The following LPA variants were observed in gnomAD, a reference collection of about 807,000 sequenced individuals.
LPA encodes the protein lipoprotein(a), also known as apolipoprotein(a).
A neutral mutation model predicts 197.9 loss-of-function variants in LPA; 199 were observed. The ratio of observed to expected loss-of-function variants is 1.01; its 90% CI spans 0.90 to 1.13. LPA has a LOEUF of 1.13. Ranked by LOEUF, LPA falls within the 50% of genes most tolerant of loss-of-function variation. The pLI is 0.00. For synonymous variants in LPA, 715 were observed against 639.5 expected, an observed-to-expected ratio of 1.12 and a Z score of -1.78; for missense variants, 1,853 against 1,785.8, an observed-to-expected ratio of 1.04 and a Z score of -0.68.
intron 33 of LPA, 139 bp from the exon 34 acceptor site, chr6:160,542,947 G>T: frequency 2.5e-6 from 3 of 1,213,728 alleles, no homozygotes; most frequent in Admixed American, 1.9e-5. Context: ...ACACTCTTTA[G>T]ATTTTTCTTT....
intron 32 of LPA, 64 bp from the exon 33 acceptor site, chr6:160,545,597 AG>A: frequency 1.1e-6 from 1 of 913,608 alleles, no homozygotes; most frequent in Non-Finnish European, 1.9e-6. Flanking sequence ...AGATATTCTA[AG>A]GCACACACAT....
At chr6:160,565,307 G>T (rs985154411) in intron 28 of LPA, among the ~76,000 whole-genome samples, 2 of 152,086 alleles carry the variant, frequency 1.3e-5, no homozygotes, top group African/African-American at 4.8e-5. Context: ...ACAGCTGGGT[G>T]CCCCTCTGAG....
chr6:160,573,260 G>T (rs987280142), intron 28 of LPA, among the ~76,000 whole-genome samples: 1 of 151,920 alleles, frequency 6.6e-6, no homozygotes, highest in Non-Finnish European at 1.5e-5. Context: ...ATTTCCAAAG[G>T]TGTGTCCAAA....
rs564073175 is a variant in LPA at position 160,534,665 on chromosome 6, G to A, written c.5843-2016C>T. On this transcript the variant is annotated intron_variant, in intron 37 of 38. Transcript: ENST00000316300. ...GATCTGATGTCATTATTAACATGTAGAAAGTTGATAAGCAGGCCTGAGTTA... is the reference window on the plus strand; with the variant it reads ...GATCTGATGTCATTATTAACATGTAAAAAGTTGATAAGCAGGCCTGAGTTA... 1.5e-3 allele frequency among the ~76,000 whole-genome samples: 227 copies of A among 152,330 alleles called. 2 individuals are homozygous for A. The highest frequency in any genetic ancestry group is 3.7e-3 in the South Asian group (18 of 4,828).
chr6:160,545,047 C>A, intron 33 of LPA, among the ~76,000 whole-genome samples: 1 of 151,998 alleles, frequency 6.6e-6, no homozygotes, highest in South Asian at 2.1e-4. Context: ...TCCTGCTGCT[C>A]GTATTTTTTT....
chr6:160,599,335 T>C (rs2115053115), intron 20 of LPA, among the ~76,000 whole-genome samples, 165 bp downstream of exon 20: 1 of 152,052 alleles, frequency 6.6e-6, no homozygotes, highest in East Asian at 1.9e-4. Context: ...AAAGCAAGAC[T>C]CTGTCTCAAA....
chr6:160,554,877 G>T (rs547677411), intron 30 of LPA, among the ~76,000 whole-genome samples: 1 of 152,040 alleles, frequency 6.6e-6, no homozygotes, highest in Admixed American at 6.6e-5. Context: ...GACTGCTGTG[G>T]TTGGCTTTGG....
chr6:160,606,125 G>A (rs1467948567), intron 17 of LPA, among the ~76,000 whole-genome samples: 1 of 152,190 alleles, frequency 6.6e-6, no homozygotes, highest in East Asian at 1.9e-4. Flanking sequence ...GCTAATTGAA[G>A]AAGTCCCAGG....
chr6:160,595,314 A>G, intron 21 of LPA, 40 bp downstream of exon 21: 3 of 1,608,268 alleles, frequency 1.9e-6, no homozygotes, highest in Non-Finnish European at 2.5e-6. Context: ...TTTTCATCCC[A>G]ACGTCCTAGG....
chr6:160,571,265 C>T (rs894717622), intron 28 of LPA, among the ~76,000 whole-genome samples: 1 of 152,144 alleles, frequency 6.6e-6, no homozygotes, highest in Non-Finnish European at 1.5e-5. Context: ...TTAGCAATTC[C>T]TCTGACCTTT....
chr6:160,592,684 C>T (rs1779052630), intron 22 of LPA, among the ~76,000 whole-genome samples: 2 of 152,096 alleles, frequency 1.3e-5, no homozygotes, highest in South Asian at 4.1e-4. Flanking sequence ...GTTGAGTTTA[C>T]TTTTTTCTGG....
intron 28 of LPA, among the ~76,000 whole-genome samples, chr6:160,576,684 GTGTGTGTATATATATATATA>G (rs900861510): frequency 2.2e-5 from 2 of 92,642 alleles, no homozygotes; most frequent in African/African-American, 9.1e-5. Context: ...GTGTGTGTGT[GTGTGTGTATATATATATATA>G]TATATATATA....
At chr6:160,643,084 G>T (rs374767962) in intron 4 of LPA, among the ~76,000 whole-genome samples, 4,830 of 45,624 alleles carry the variant, frequency 0.11, 2 homozygotes, top group Non-Finnish European at 0.13. Flanking sequence ...TGTGTTTTCA[G>T]TGTGTGTGTG....
At chr6:160,652,529 C>T (rs1780026158) in intron 1 of LPA, among the ~76,000 whole-genome samples, 2 of 152,136 alleles carry the variant, frequency 1.3e-5, no homozygotes, top group South Asian at 4.1e-4. Context: ...CAGTCCCGTG[C>T]TATAAGAAAT....
At chr6:160,584,182 C>T (rs541451390) in intron 26 of LPA, among the ~76,000 whole-genome samples, 1 of 55,126 alleles carries the variant, frequency 1.8e-5, no homozygotes, top group East Asian at 1.4e-3. Context: ...TCTTCTTCTT[C>T]TTCTTCTTCT....
chr6:160,647,026 G>T lies in LPA; in HGVS notation c.210-631C>A, dbSNP rs565311436. On this transcript the variant is annotated intron_variant, in intron 2 of 38. Transcript: ENST00000316300. ...CATATCATGTCGGTCAAGTAGGTTTGTTTCTGCAAGACTTCTCAAAGCTGC... is the reference window on the plus strand; with the variant it reads ...CATATCATGTCGGTCAAGTAGGTTTTTTTCTGCAAGACTTCTCAAAGCTGC... 1.9e-4 allele frequency among the ~76,000 whole-genome samples: 29 copies of T among 152,240 alleles called. 1 individual carries two copies. In the South Asian group the frequency reaches 4.6e-3, roughly 24 times the overall value.
intron 22 of LPA, among the ~76,000 whole-genome samples, chr6:160,592,917 G>T (rs968272250): frequency 1.3e-5 from 2 of 152,176 alleles, no homozygotes; most frequent in African/African-American, 4.8e-5. Context: ...GTGAGCTCTA[G>T]CATCTCCATT....
chr6:160,654,249 G>A (rs181318058), intron 1 of LPA, among the ~76,000 whole-genome samples: 7 of 147,272 alleles, frequency 4.8e-5, no homozygotes, highest in South Asian at 2.2e-4. Flanking sequence ...CGATGTTCAA[G>A]AGCAGGAAGC....
intron 23 of LPA, among the ~76,000 whole-genome samples, chr6:160,590,687 T>C (rs964774700): frequency 6.6e-6 from 1 of 152,118 alleles, no homozygotes; most frequent in African/African-American, 2.4e-5. Flanking sequence ...AATAATCTAT[T>C]GAATAACCAG....
Sources: allele counts gnomAD v4.1 joint callset (sites outside exome capture counted in the v4.1 genomes callset), GRCh38; gene constraint gnomAD v4.1.1; transcripts MANE v1.5; gene names NCBI Gene and HGNC (gene_info 2026-07-23, HGNC 2026-07-21).